Variants in STARD9 observed in about 807,000 individuals in gnomAD.
The protein encoded by STARD9 is stAR-related lipid transfer protein 9.
A neutral mutation model predicts 399.8 loss-of-function variants in STARD9; 346 were observed. The observed-to-expected ratio is 0.87, with a 90% CI of 0.79 to 0.95. The LOEUF (loss-of-function observed/expected upper bound fraction) is 0.95, where lower values mean the gene tolerates loss of function less well. STARD9 is among the 40% of genes least tolerant of loss of function. The pLI is 0.00. For missense variants in STARD9, 5,832 were observed against 5,667.5 expected, an observed-to-expected ratio of 1.03 and a Z score of -0.93; for synonymous variants, 2,203 against 2,143.5, an observed-to-expected ratio of 1.03 and a Z score of -0.77.
intron 3 of STARD9, among the ~76,000 whole-genome samples, chr15:42,592,658 C>A (rs1036058688): frequency 6.6e-6 from 1 of 151,738 alleles, no homozygotes; most frequent in East Asian, 1.9e-4. Context: ...TGGCCAGGCT[C>A]GTCTCGAACT....
intron 4 of STARD9, 87 bp from the exon 5 acceptor site, chr15:42,637,820 C>A: frequency 7.3e-7 from 1 of 1,372,814 alleles, no homozygotes; most frequent in South Asian, 1.2e-5. Context: ...CACTCATCCC[C>A]CATGCTGAGG....
chr15:42,621,193 T>C (rs1248742743), intron 3 of STARD9, among the ~76,000 whole-genome samples: 1 of 152,216 alleles, frequency 6.6e-6, no homozygotes, highest in Non-Finnish European at 1.5e-5. Flanking sequence ...GTAAAGTTAC[T>C]CTTTCTCTTC....
chr15:42,690,579 C>T lies in STARD9; in HGVS notation c.9001C>T (p.Pro3001Ser). ...TACTATCCACCCACCCTGTGTAGTA[C>T]CTTCCAGGGCCTATGAAATGGATGA... ...PHTIHPPCVV[P>S]SRAYEMDETG... Residue 3001 changes from proline to serine, a missense_variant, in exon 23 of 33, where the codon CCT (proline) becomes TCT (serine). Physicochemically the swap from Pro to Ser is moderately conservative, Grantham distance 74. Coordinates refer to ENST00000290607, the MANE Select transcript of STARD9 (RefSeq NM_020759.3). The T allele has an allele frequency of 3.3e-6, 5 of 1,537,180 alleles. No homozygotes were observed. Among genetic ancestry groups the T allele is most frequent in the Non-Finnish European group, 4.4e-6 (5 of 1,146,878 alleles).
At chr15:42,668,008 G>A (rs936414037) in intron 15 of STARD9, among the ~76,000 whole-genome samples, 1 of 152,202 alleles carries the variant, frequency 6.6e-6, no homozygotes, top group Non-Finnish European at 1.5e-5. Context: ...AGATGAAGTA[G>A]TGGAGCCAAA....
rs896879107 is a variant in STARD9, at chr15:42,695,129, A to T, written c.12963-11A>T. 1.3e-6 allele frequency: 2 copies of T among 1,518,896 alleles called. No homozygotes were observed. Among genetic ancestry groups the T allele is most frequent in the Non-Finnish European group, 1.8e-6 (2 of 1,134,610 alleles). 94.1% of individuals were successfully genotyped at this position (1,518,896 alleles called of 1,614,324 possible). A position where few individuals can be genotyped will look rare whatever the true frequency, so the allele number is the denominator to read the frequency against. ...CCCACCATGTTCTTTCCACCCCGTG[A>T]TCTTCCTCAGGAGCCCAGAGTCAGT... is the stretch of plus-strand genomic sequence containing the variant. On this transcript the variant is annotated splice_polypyrimidine_tract_variant and intron_variant, in intron 24 of 32. Coordinates refer to ENST00000290607, the MANE Select transcript of STARD9 (RefSeq NM_020759.3).
chr15:42,687,714 G>T lies in STARD9; in HGVS notation c.6136G>T (p.Glu2046Ter). ...KQNKRVNNTDEMARLIRSVMQ... is the reference protein window; with the variant it reads ...KQNKRVNNTD ...GAATAAAAGAGTTAATAATACTGAT[G>T]AAATGGCTAGGCTAATTAGGAGTGT... Residue 2046 changes from glutamate (E) to a stop codon, truncating the protein, a stop_gained, in exon 23 of 33, where the codon GAA (glutamate) becomes TAA (stop). Transcript: ENST00000290607. LOFTEE classifies it high-confidence loss of function. The T allele has an allele frequency of 6.5e-7, 1 of 1,537,516 alleles. No individual in the cohort carries two copies. The highest frequency in any genetic ancestry group is 1.4e-5 in the African/African-American group (1 of 73,178).
At position 42,614,494 on chromosome 15, in the gene STARD9, C is replaced by T. The variant is rs866474920; in HGVS notation, c.235-20362C>T. Among the ~76,000 whole-genome samples, 4 of 152,164 alleles carry T rather than the reference C, an allele frequency of 2.6e-5. No homozygotes were observed. In the South Asian group the frequency reaches 8.3e-4, roughly 32 times the overall value. ...CAGTTTGTTTCCTTTAAACTAGGAA[C>T]AGTGAAAAAGAACAGTGATGCTGAT... On this transcript the variant is annotated intron_variant, in intron 3 of 32. Transcript: ENST00000290607.
intron 25 of STARD9, 99 bp from the exon 26 acceptor site, chr15:42,695,644 A>G (rs979354348): frequency 2.6e-5 from 35 of 1,354,766 alleles, no homozygotes; most frequent in Non-Finnish European, 3.5e-5. Flanking sequence ...GGAGCAGTAG[A>G]GGTGAGCAGG....
At chr15:42,578,008 T>G (rs2058091467) in intron 1 of STARD9, among the ~76,000 whole-genome samples, 1 of 152,244 alleles carries the variant, frequency 6.6e-6, no homozygotes, top group Non-Finnish European at 1.5e-5. Context: ...AGAGCCAAGA[T>G]TTGATTCATT....
chr15:42,689,402 G>C lies in STARD9; in HGVS notation c.7824G>C (p.Arg2608Ser). The C allele has an allele frequency of 6.5e-7, 1 of 1,537,422 alleles. No homozygotes were observed. Among genetic ancestry groups the C allele is most frequent in the South Asian group, 1.2e-5 (1 of 84,062 alleles). Residue 2608 changes from arginine to serine, a missense_variant, in exon 23 of 33, where the codon AGG becomes AGC. Arg to Ser is a moderately radical substitution (Grantham distance 110). This residue lies in a region of STARD9 where 5,828 missense variants were observed against 5,651.1 expected (regional missense o/e 1.03). Transcript: ENST00000290607. The stretch of plus-strand genomic sequence containing the variant: ...ACCAGTCATCATCAGACCAGACCAG[G>C]AATGAGGGTGAAGCACCGGGATTTC... ...QIDQSSSDQT[R>S]NEGEAPGFHV... is the part of the protein sequence containing the mutation.
intron 15 of STARD9, among the ~76,000 whole-genome samples, chr15:42,668,895 A>G (rs1049414075): frequency 1.1e-4 from 16 of 152,224 alleles, no homozygotes; most frequent in African/African-American, 1.9e-4. Flanking sequence ...AAAACAATAC[A>G]TGTTCATTGC....
At position 42,669,373 on chromosome 15, in the gene STARD9, A is replaced by T. The variant is rs1409266191; in HGVS notation, c.1497+36A>T. The T allele has an allele frequency of 6.1e-6, 9 of 1,470,394 alleles. No individual in the cohort carries two copies. In the Admixed American group the frequency reaches 1.0e-4, roughly 17 times the overall value. The allele number at this position is 1,470,394 out of a possible 1,614,324, so 91.1% of individuals were successfully genotyped here. A position where few individuals can be genotyped will look rare whatever the true frequency, so the allele number is the denominator to read the frequency against. On this transcript the variant is annotated intron_variant, in intron 16 of 32. Coordinates refer to ENST00000290607, the MANE Select transcript of STARD9 (RefSeq NM_020759.3). ...TAGTGTATCCTTTTCTTCCTAAGCC[A>T]CTGGTTCCAGAGGTCAAGGAGGGAA...
At chr15:42,703,379 T>G (rs1370755714) in intron 26 of STARD9, among the ~76,000 whole-genome samples, 5 of 151,864 alleles carry the variant, frequency 3.3e-5, no homozygotes, top group Admixed American at 6.5e-5. Context: ...TTTTTTTTTT[T>G]TTAGATGGAG....
chr15:42,652,604 C>T lies in STARD9; in HGVS notation c.702+12C>T. 2.0e-6 allele frequency: 3 copies of T among 1,535,976 alleles called. No individual in the cohort carries two copies. Among genetic ancestry groups the T allele is most frequent in the South Asian group, 2.4e-5 (2 of 84,032 alleles). On this transcript the variant is annotated intron_variant, in intron 9 of 32. Transcript: ENST00000290607. ...TCCACTACACGCAGGTTGGTAACTC[C>T]TTATGTTTGGTGAGATTTCTTCCTC...
intron 26 of STARD9, among the ~76,000 whole-genome samples, chr15:42,712,886 G>A (rs1219904156): frequency 1.3e-5 from 2 of 152,104 alleles, no homozygotes; most frequent in Non-Finnish European, 2.9e-5. Flanking sequence ...CAGGAAGTAG[G>A]CATCTTCCAA....
chr15:42,581,375 G>A, intron 1 of STARD9: 18 of 1,477,362 alleles, frequency 1.2e-5, no homozygotes, highest in Non-Finnish European at 1.6e-5. Flanking sequence ...GCGTCCCCTC[G>A]GGCGTGGTGC....
In STARD9 at chr15:42,684,220, C is replaced by T; in HGVS notation, c.2642C>T (p.Ala881Val). 1 of 1,537,282 alleles carries T rather than the reference C, an allele frequency of 6.5e-7. No homozygotes were observed. Among genetic ancestry groups the T allele is most frequent in the South Asian group, 1.2e-5 (1 of 84,068 alleles). ...TCAGAAGAGCATTTGCCACAGGCTG[C>T]TTCCTACCCTGCAAGGACAGGGTGC... ...TSSEEHLPQA[A>V]SYPARTGCLR... The change falls in exon 23 of 33, where the codon GCT becomes GTT. Residue 881 changes from alanine (A) to valine (V), a missense_variant. Ala to Val is a moderately conservative substitution (Grantham distance 64). Coordinates refer to ENST00000290607, the MANE Select transcript of STARD9 (RefSeq NM_020759.3).
chr15:42,618,544 T>C (rs1300227575), intron 3 of STARD9, among the ~76,000 whole-genome samples: 1 of 152,202 alleles, frequency 6.6e-6, no homozygotes, highest in Non-Finnish European at 1.5e-5. Flanking sequence ...TATGCATGAA[T>C]GTCCTCTTCT....
intron 9 of STARD9, among the ~76,000 whole-genome samples, chr15:42,655,733 A>T (rs1287478837): frequency 6.6e-6 from 1 of 152,244 alleles, no homozygotes; most frequent in Non-Finnish European, 1.5e-5. Context: ...AAAGAGAAAT[A>T]GATGGGACTT....
Sources: allele counts gnomAD v4.1 joint callset (sites outside exome capture counted in the v4.1 genomes callset), GRCh38; gene constraint gnomAD v4.1.1; regional missense constraint gnomAD v4.1.1; transcripts MANE v1.5; gene names NCBI Gene and HGNC (gene_info 2026-07-23, HGNC 2026-07-21).